Variants in S100A13 observed in about 807,000 individuals in gnomAD.
The protein encoded by S100A13 is S100 calcium binding protein A13, also known as protein S100-A13.
In S100A13, 6 loss-of-function variants were observed where a neutral mutation model predicts 8.2. The ratio of observed to expected loss-of-function variants is 0.73; its 90% CI spans 0.40 to 1.44. S100A13 has a LOEUF of 1.44. Ranked by LOEUF, S100A13 falls within the 40% of genes most tolerant of loss-of-function variation. The pLI is 0.02. For missense variants in S100A13, 114 were observed against 113.6 expected, an observed-to-expected ratio of 1.00 and a Z score of -0.02; for synonymous variants, 39 against 45.9, an observed-to-expected ratio of 0.85 and a Z score of 0.61.
intron 2 of S100A13, among the ~76,000 whole-genome samples, chr1:153,619,437 A>G (rs1359852582): frequency 6.6e-6 from 1 of 152,178 alleles, no homozygotes; most frequent in African/African-American, 2.4e-5. Flanking sequence ...GCAGGGTTGG[A>G]CCCAGTCAGA....
chr1:153,628,213 T>C (rs958325794), upstream of S100A13: 128 of 1,548,782 alleles, frequency 8.3e-5, 1 homozygote, highest in African/African-American at 1.4e-3. Flanking sequence ...TTCCCACCTC[T>C]TTCCCCTGCA....
At chr1:153,630,347 C>T, upstream of S100A13, 1 of 884,610 alleles carries the variant, frequency 1.1e-6, no homozygotes, top group Non-Finnish European at 1.7e-6. Context: ...CTTGGGGTTT[C>T]CCTCACATTG....
chr1:153,631,275 T>A, upstream of S100A13: 2 of 619,538 alleles, frequency 3.2e-6, no homozygotes, highest in South Asian at 4.2e-5. Flanking sequence ...TGAGGTTTTA[T>A]TGGACTGGGT....
upstream of S100A13, chr1:153,628,961 A>AG (rs1667843417): frequency 6.1e-6 from 1 of 163,002 alleles, no homozygotes; most frequent in African/African-American, 2.4e-5. Context: ...CCAAGAGCTC[A>AG]GGTCCCGGGG....
chr1:153,631,293 C>A, upstream of S100A13: 1 of 670,456 alleles, frequency 1.5e-6, no homozygotes. Flanking sequence ...GGTTCAAATT[C>A]CAGCCCTGCT....
chr1:153,626,476 G>A lies in S100A13; in HGVS notation c.-4C>T, dbSNP rs1251167272. Reference sequence around the variant, plus strand: ...CTGTCAGTGGTTCTGCTGCCATTAGGACCCTGAGGCCAAAGCTGATGTCCT... The same window carrying A: ...CTGTCAGTGGTTCTGCTGCCATTAGAACCCTGAGGCCAAAGCTGATGTCCT... On this transcript the variant is annotated 5_prime_UTR_variant, in exon 2 of 3. Coordinates refer to ENST00000476133, the MANE Select transcript of S100A13 (RefSeq NM_001024211.2). 2 of 1,614,074 alleles carry A rather than the reference G, an allele frequency of 1.2e-6. No individual in the cohort carries two copies. Among genetic ancestry groups the A allele is most frequent in the Middle Eastern group, 1.6e-4 (1 of 6,062 alleles).
At chr1:153,631,259 C>T (rs145700117), upstream of S100A13, 111 of 586,240 alleles carry the variant, frequency 1.9e-4, no homozygotes, top group African/African-American at 1.5e-3. Context: ...GAAAGTGCAC[C>T]GGTTTTGAGG....
upstream of S100A13, chr1:153,632,986 C>T (rs1668115326): frequency 6.6e-6 from 1 of 151,904 alleles, no homozygotes; most frequent in Non-Finnish European, 1.5e-5. Context: ...CCTGGTGAAA[C>T]CCCATCTCTA....
At chr1:153,630,628 A>T, upstream of S100A13, 1 of 1,614,240 alleles carries the variant, frequency 6.2e-7, no homozygotes, top group South Asian at 1.1e-5. Context: ...GAGCTGAAAG[A>T]GCTGCTGCAG....
chr1:153,632,838 C>T (rs935735726), upstream of S100A13, among the ~76,000 whole-genome samples: 1 of 152,170 alleles, frequency 6.6e-6, no homozygotes, highest in Non-Finnish European at 1.5e-5. Flanking sequence ...ATTCCTCAAA[C>T]ATATGTACAC....
chr1:153,619,212 C>G (rs932993256), intron 2 of S100A13, among the ~76,000 whole-genome samples, 174 bp from the exon 3 acceptor site: 1 of 152,200 alleles, frequency 6.6e-6, no homozygotes, highest in Non-Finnish European at 1.5e-5. Flanking sequence ...CCACGGGGTG[C>G]CTCTCCAAGG....
rs772677537 is a variant in S100A13, at chr1:153,618,847, C to T, written c.*48G>A. 2.0e-5 allele frequency: 32 copies of T among 1,590,024 alleles called. No homozygotes were observed. Among genetic ancestry groups the T allele is most frequent in the Non-Finnish European group, 2.7e-5 (31 of 1,162,776 alleles). On this transcript the variant is annotated 3_prime_UTR_variant, in exon 3 of 3. Transcript: ENST00000476133. ...TATTTGGGAAGAGTGCGGTTCTGCT[C>T]GGCCCTGATCAGCTCTGCCCTGCCC...
upstream of S100A13, chr1:153,628,119 A>AC (rs3841800): frequency 4.0e-3 from 6,137 of 1,550,266 alleles, 72 homozygotes; most frequent in African/African-American, 0.025. Context: ...TTCCCCCCTT[A>AC]CCGGGCTCAA....
At chr1:153,630,569 C>T, upstream of S100A13, 1 of 1,614,248 alleles carries the variant, frequency 6.2e-7, no homozygotes. Flanking sequence ...TCAACGTGTT[C>T]CACGCCCACT....
At chr1:153,630,432 C>T, upstream of S100A13, 3 of 1,540,196 alleles carry the variant, frequency 1.9e-6, no homozygotes, top group Non-Finnish European at 2.6e-6. Context: ...CAGGGCCAGT[C>T]CTGAGGGTTC....
upstream of S100A13, among the ~76,000 whole-genome samples, chr1:153,633,526 T>G (rs1668154153): frequency 6.6e-6 from 1 of 151,318 alleles, no homozygotes; most frequent in African/African-American, 2.4e-5. Flanking sequence ...GGGGAGGAAG[T>G]GAGGAGGAAA....
At chr1:153,620,845 C>G (rs1447865520) in intron 2 of S100A13, among the ~76,000 whole-genome samples, 1 of 151,980 alleles carries the variant, frequency 6.6e-6, no homozygotes, top group Non-Finnish European at 1.5e-5. Flanking sequence ...GTGAGAGGAT[C>G]GCTTGAGCCC....
At chr1:153,631,832 G>A (rs1321074328), upstream of S100A13, 3 of 1,613,786 alleles carry the variant, frequency 1.9e-6, no homozygotes, top group African/African-American at 4.0e-5. Flanking sequence ...TCTTCTGGGA[G>A]AACAGTTGAG....
chr1:153,624,405 G>A (rs1412477579), intron 2 of S100A13, among the ~76,000 whole-genome samples: 5 of 152,128 alleles, frequency 3.3e-5, no homozygotes, highest in African/African-American at 4.8e-5. Flanking sequence ...TGTAAGGAGC[G>A]CAATAAGAAG....
Sources: allele counts gnomAD v4.1 joint callset (sites outside exome capture counted in the v4.1 genomes callset), GRCh38; gene constraint gnomAD v4.1.1; transcripts MANE v1.5; gene names NCBI Gene and HGNC (gene_info 2026-07-23, HGNC 2026-07-21).